SLC4A4: variants seen among roughly 807,000 people sequenced by gnomAD.
The protein encoded by SLC4A4 is solute carrier family 4 member 4.
A neutral mutation model predicts 111.5 loss-of-function variants in SLC4A4; 27 were observed. The observed-to-expected ratio is 0.24, with a 90% CI of 0.18 to 0.33. SLC4A4 has a LOEUF of 0.33. Among genes scored for constraint, SLC4A4 ranks in the 10% least tolerant of loss-of-function variants. The pLI is 1.00. For missense variants in SLC4A4, 909 were observed against 1,315.5 expected (o/e 0.69, Z 4.78); for synonymous variants, 443 against 463.4 (o/e 0.96, Z 0.57).
At chr4:71,327,921 C>G (rs114665645) in intron 3 of SLC4A4, among the ~76,000 whole-genome samples, 17,210 of 151,864 alleles carry the variant, frequency 0.11, 1,051 homozygotes, top group South Asian at 0.29. Flanking sequence ...AAATACTAGG[C>G]CTTATTTATT....
At chr4:71,353,835 A>T (rs1730057867) in intron 5 of SLC4A4, among the ~76,000 whole-genome samples, 1 of 152,218 alleles carries the variant, frequency 6.6e-6, no homozygotes, top group South Asian at 2.1e-4. Flanking sequence ...ACCCCTCACC[A>T]GCCTGCCTCT....
At chr4:71,363,249 C>T (rs1457647382) in intron 6 of SLC4A4, among the ~76,000 whole-genome samples, 9 of 152,134 alleles carry the variant, frequency 5.9e-5, no homozygotes, top group Admixed American at 1.3e-4. Context: ...ATTTTAGGCT[C>T]CAGTGAAATA....
chr4:71,127,602 AT>A (rs1432645237), intron 2 of SLC4A4, among the ~76,000 whole-genome samples: 1 of 152,130 alleles, frequency 6.6e-6, no homozygotes, highest in Admixed American at 6.5e-5. Flanking sequence ...AAAAATATTT[AT>A]TTTTTTCAGA....
chr4:71,249,193 A>G (rs909861570), intron 2 of SLC4A4, among the ~76,000 whole-genome samples: 2 of 152,134 alleles, frequency 1.3e-5, no homozygotes, highest in African/African-American at 4.8e-5. Flanking sequence ...CCTGTTTTTC[A>G]TCACATTTGT....
intron 21 of SLC4A4, among the ~76,000 whole-genome samples, chr4:71,557,187 A>G (rs949826299): frequency 2.0e-5 from 3 of 152,026 alleles, no homozygotes; most frequent in Non-Finnish European, 4.4e-5. Context: ...CCACTCAGAT[A>G]AGTAATATGG....
chr4:71,385,392 T>G (rs1009009363), intron 6 of SLC4A4, among the ~76,000 whole-genome samples: 1 of 151,296 alleles, frequency 6.6e-6, no homozygotes, highest in African/African-American at 2.4e-5. Context: ...GAGACGGGGT[T>G]TCTCCATGTT....
At chr4:71,277,096 A>G (rs1723125961) in intron 3 of SLC4A4, among the ~76,000 whole-genome samples, 2 of 152,178 alleles carry the variant, frequency 1.3e-5, no homozygotes, top group African/African-American at 4.8e-5. Context: ...TAAAGCTGCT[A>G]TGAACAATTG....
chr4:71,403,862 G>A (rs1720597698), intron 7 of SLC4A4, among the ~76,000 whole-genome samples: 2 of 152,038 alleles, frequency 1.3e-5, no homozygotes, highest in Non-Finnish European at 1.5e-5. Context: ...TGGATCGTCT[G>A]GTGTTATTCC....
chr4:71,312,102 C>T (rs1002019557), intron 3 of SLC4A4, among the ~76,000 whole-genome samples: 3 of 152,168 alleles, frequency 2.0e-5, no homozygotes, highest in Admixed American at 6.5e-5. Flanking sequence ...CACCACTGAT[C>T]TCACAGAAAT....
At chr4:71,169,595 G>C (rs1744882233) in intron 2 of SLC4A4, among the ~76,000 whole-genome samples, 1 of 152,034 alleles carries the variant, frequency 6.6e-6, no homozygotes, top group Non-Finnish European at 1.5e-5. Flanking sequence ...TATATATTCT[G>C]GTTATTAATC....
At chr4:71,186,983 C>T (rs1320579517), upstream of SLC4A4, 2 of 152,710 alleles carry the variant, frequency 1.3e-5, no homozygotes, top group South Asian at 2.1e-4. Flanking sequence ...TAGACATCCC[C>T]CCGCGCCACC....
intron 1 of SLC4A4, among the ~76,000 whole-genome samples, chr4:71,087,604 G>T (rs889175381): frequency 1.3e-5 from 2 of 152,020 alleles, no homozygotes; most frequent in African/African-American, 4.8e-5. Context: ...GGTATGTTGT[G>T]TCTTTGTTCT....
chr4:71,075,898 T>A (rs1457156190), intron 1 of SLC4A4, among the ~76,000 whole-genome samples: 3 of 150,940 alleles, frequency 2.0e-5, no homozygotes, highest in Non-Finnish European at 4.4e-5. Flanking sequence ...TGGGAGGAGG[T>A]TGCAGTGAGC....
intron 12 of SLC4A4, among the ~76,000 whole-genome samples, chr4:71,457,325 A>AT (rs1166415722): frequency 6.6e-6 from 1 of 152,176 alleles, no homozygotes; most frequent in Non-Finnish European, 1.5e-5. Flanking sequence ...GACATAGATG[A>AT]TTGCATGAAT....
intron 1 of SLC4A4, among the ~76,000 whole-genome samples, chr4:71,089,384 T>C (rs1742306085): frequency 6.6e-6 from 1 of 152,100 alleles, no homozygotes; most frequent in Non-Finnish European, 1.5e-5. Context: ...TCTGAAGCCT[T>C]CTTCTCTCAA....
intron 23 of SLC4A4, among the ~76,000 whole-genome samples, chr4:71,560,503 A>T (rs1021772037): frequency 6.6e-6 from 1 of 151,804 alleles, no homozygotes; most frequent in African/African-American, 2.4e-5. Context: ...TAAAAAATTT[A>T]AAAACCCACC....
At position 71,569,454 on chromosome 4, in the gene SLC4A4, A is replaced by T. The variant is rs936457551; in HGVS notation, c.*1703A>T. On this transcript the variant is annotated 3_prime_UTR_variant, in exon 26 of 26. Transcript: ENST00000264485. ...ATATATTTGTGTACATATTATATGT[A>T]TGTATATTTCAAAGTACCACACTGA... is the stretch of plus-strand genomic sequence containing the variant. The T allele has an allele frequency of 3.3e-5, 5 of 151,718 alleles. No individual in the cohort carries two copies. Among genetic ancestry groups the T allele is most frequent in the African/African-American group, 7.3e-5 (3 of 41,378 alleles). The allele number at this position is 151,718 out of a possible 1,614,324, so 9.4% of individuals were successfully genotyped here.
At chr4:71,549,805 A>C (rs1208655449) in intron 20 of SLC4A4, among the ~76,000 whole-genome samples, 1 of 151,838 alleles carries the variant, frequency 6.6e-6, no homozygotes, top group Non-Finnish European at 1.5e-5. Flanking sequence ...CTTCCTAACT[A>C]TTTTCTCACC....
At chr4:71,376,320 G>T (rs932766195) in intron 6 of SLC4A4, among the ~76,000 whole-genome samples, 16 of 150,702 alleles carry the variant, frequency 1.1e-4, no homozygotes, top group Non-Finnish European at 1.9e-4. Context: ...TCCTGCCTCA[G>T]CCTCCCAAGT....
Sources: gnomAD v4.1 joint callset for allele counts (sites outside exome capture counted in the v4.1 genomes callset) on GRCh38, gnomAD v4.1.1 for gene constraint, MANE v1.5 for transcripts, NCBI Gene and HGNC (gene_info 2026-07-23, HGNC 2026-07-21) for gene names.